PVT1: variants seen among roughly 807,000 people sequenced by gnomAD.
The protein encoded by PVT1 is Pvt1 oncogene.
chr8:127,943,916 T>C (rs1190384657), intron 3 of PVT1, among the ~76,000 whole-genome samples: 1 of 152,190 alleles, frequency 6.6e-6, no homozygotes, highest in Non-Finnish European at 1.5e-5. Flanking sequence ...AGCATGTTAC[T>C]CCACATGTGG....
chr8:127,984,412 G>A (rs535324716), intron 3 of PVT1, among the ~76,000 whole-genome samples: 1 of 152,278 alleles, frequency 6.6e-6, no homozygotes, highest in South Asian at 2.1e-4. Context: ...GGCAGAGCTA[G>A]GATTCAAATC....
At chr8:128,067,578 A>G (rs1466112061) in intron 4 of PVT1, among the ~76,000 whole-genome samples, 1 of 152,224 alleles carries the variant, frequency 6.6e-6, no homozygotes, top group Non-Finnish European at 1.5e-5. Flanking sequence ...ATTCGACTTT[A>G]GGGGAAAGGG....
intron 4 of PVT1, among the ~76,000 whole-genome samples, chr8:128,043,503 G>T (rs150490630): frequency 1.8e-3 from 267 of 152,212 alleles, no homozygotes; most frequent in African/African-American, 6.0e-3. Context: ...TTAGACAGAG[G>T]GCATGGCATT....
intron 3 of PVT1, among the ~76,000 whole-genome samples, chr8:127,961,972 G>C (rs999552229): frequency 2.6e-5 from 4 of 152,220 alleles, no homozygotes; most frequent in Admixed American, 1.3e-4. Flanking sequence ...AGGAGATAAT[G>C]AATGTAGAAT....
intron 3 of PVT1, among the ~76,000 whole-genome samples, chr8:127,930,084 C>T (rs1254242357): frequency 6.6e-6 from 1 of 152,142 alleles, no homozygotes; most frequent in African/African-American, 2.4e-5. Flanking sequence ...GCTGTGTGTT[C>T]CCAGCACGTT....
intron 2 of PVT1, among the ~76,000 whole-genome samples, chr8:127,837,246 T>C (rs1814919364): frequency 6.6e-6 from 1 of 152,082 alleles, no homozygotes; most frequent in Non-Finnish European, 1.5e-5. Flanking sequence ...GAAGAGGCCA[T>C]GGGCTCGCCT....
chr8:127,951,855 G>T (rs1221286172), intron 3 of PVT1, among the ~76,000 whole-genome samples: 4 of 149,652 alleles, frequency 2.7e-5, no homozygotes, highest in African/African-American at 9.9e-5. Context: ...TCACTCTGTT[G>T]CCCAGGCTGG....
chr8:127,861,488 C>G (rs1815227385), intron 2 of PVT1, among the ~76,000 whole-genome samples: 2 of 152,202 alleles, frequency 1.3e-5, no homozygotes. Context: ...TATCACCCAT[C>G]ATTCTGACAC....
intron 3 of PVT1, among the ~76,000 whole-genome samples, chr8:127,966,937 G>T (rs1563652537): frequency 6.6e-6 from 1 of 152,138 alleles, no homozygotes; most frequent in Non-Finnish European, 1.5e-5. Context: ...CCTGTCACGG[G>T]TATCCCAGAG....
intron 2 of PVT1, among the ~76,000 whole-genome samples, chr8:127,859,204 T>C (rs1175407858): frequency 6.6e-6 from 1 of 152,162 alleles, no homozygotes; most frequent in Non-Finnish European, 1.5e-5. Context: ...CTGTCTCATT[T>C]TGGACAATTT....
intron 2 of PVT1, among the ~76,000 whole-genome samples, chr8:127,836,392 A>G (rs948680150): frequency 1.3e-5 from 2 of 152,182 alleles, no homozygotes; most frequent in Admixed American, 6.5e-5. Flanking sequence ...TGCTGCACCT[A>G]TCAACCCATC....
chr8:127,812,207 G>A (rs1428896723), intron 2 of PVT1, among the ~76,000 whole-genome samples: 3 of 149,448 alleles, frequency 2.0e-5, no homozygotes, highest in African/African-American at 7.4e-5. Flanking sequence ...ACGGAGGAAG[G>A]AGGAAAGGCA....
At chr8:127,979,770 C>T (rs149008344) in intron 3 of PVT1, among the ~76,000 whole-genome samples, 8 of 152,310 alleles carry the variant, frequency 5.3e-5, no homozygotes, top group African/African-American at 1.9e-4. Context: ...TTGTATTCGG[C>T]CAAGGCAGTT....
At chr8:128,009,283 T>G (rs997261838) in intron 4 of PVT1, among the ~76,000 whole-genome samples, 11 of 152,210 alleles carry the variant, frequency 7.2e-5, no homozygotes, top group African/African-American at 2.7e-4. Context: ...TTGTTTTAGC[T>G]GCAGCTAAAA....
intron 3 of PVT1, among the ~76,000 whole-genome samples, chr8:127,922,280 C>A (rs1250048953): frequency 1.4e-5 from 2 of 141,938 alleles, no homozygotes; most frequent in East Asian, 2.1e-4. Flanking sequence ...ATACCCACCC[C>A]CCCCCCCACC....
At chr8:128,001,575 T>C (rs1434118995) in intron 4 of PVT1, among the ~76,000 whole-genome samples, 1 of 152,154 alleles carries the variant, frequency 6.6e-6, no homozygotes, top group Non-Finnish European at 1.5e-5. Context: ...CTTGTTGACC[T>C]TGAGCCACTC....
intron 3 of PVT1, among the ~76,000 whole-genome samples, chr8:127,909,451 A>G (rs1815864448): frequency 6.6e-6 from 1 of 152,166 alleles, no homozygotes; most frequent in African/African-American, 2.4e-5. Flanking sequence ...GATTCTAGTC[A>G]CTTTACCTTC....
At chr8:127,908,478 A>G (rs1200348302) in intron 3 of PVT1, among the ~76,000 whole-genome samples, 2 of 151,470 alleles carry the variant, frequency 1.3e-5, no homozygotes, top group Non-Finnish European at 2.9e-5. Flanking sequence ...AGTAGCTGGG[A>G]TTACAGGGTT....
At chr8:127,969,708 C>T (rs1432145924) in intron 3 of PVT1, among the ~76,000 whole-genome samples, 1 of 152,162 alleles carries the variant, frequency 6.6e-6, no homozygotes. Flanking sequence ...CATATCCACT[C>T]CAGTAAATGA....
Sources: allele counts gnomAD v4.1 joint callset (sites outside exome capture counted in the v4.1 genomes callset), GRCh38; gene constraint gnomAD v4.1.1; transcripts MANE v1.5; gene names NCBI Gene and HGNC (gene_info 2026-07-23, HGNC 2026-07-21).